The following PARD6B variants were observed in gnomAD, a reference collection of about 807,000 sequenced individuals.
The protein encoded by PARD6B is partitioning defective 6 homolog beta.
Under a neutral mutation model 10.5 loss-of-function variants are expected in PARD6B, and 4 were observed. The ratio of observed to expected loss-of-function variants is 0.38; its 90% CI spans 0.19 to 0.87. PARD6B has a LOEUF of 0.87. Among genes scored for constraint, PARD6B ranks in the 40% least tolerant of loss-of-function variants. The pLI, the probability that PARD6B is intolerant of heterozygous loss-of-function variation, is 0.41. For missense variants in PARD6B, 396 were observed against 470.6 expected, an observed-to-expected ratio of 0.84 and a Z score of 1.47; for synonymous variants, 169 against 170.4, an observed-to-expected ratio of 0.99 and a Z score of 0.07.
rs559084750 is a variant in PARD6B, at chr20:50,751,937, C to T, written c.*1449C>T. ...CAGGTGGGTCTCAAACTCCTGACCT[C>T]AAGTGATCCGCCCATCTCCTCCCAA... On this transcript the variant is annotated 3_prime_UTR_variant, in exon 3 of 3. Transcript: ENST00000371610. The T allele has an allele frequency of 1.0e-6, 1 of 963,288 alleles. No homozygotes were observed. The highest frequency in any genetic ancestry group is 6.2e-5 in the Admixed American group (1 of 16,224). 59.7% of individuals were successfully genotyped at this position (963,288 alleles called of 1,614,324 possible). A position where few individuals can be genotyped will look rare whatever the true frequency, so the allele number is the denominator to read the frequency against.
chr20:50,740,832 C>T (rs928799808), intron 2 of PARD6B, among the ~76,000 whole-genome samples: 11 of 152,138 alleles, frequency 7.2e-5, no homozygotes, highest in African/African-American at 2.4e-4. Context: ...GATGATTTCC[C>T]ATTGCAACCA....
intron 2 of PARD6B, among the ~76,000 whole-genome samples, chr20:50,738,804 T>C (rs957329990): frequency 6.6e-6 from 1 of 152,116 alleles, no homozygotes; most frequent in African/African-American, 2.4e-5. Flanking sequence ...GCAATAACTT[T>C]CTTTCTTTCT....
rs367776100 is a variant in PARD6B at position 50,749,863 on chromosome 20, C to G, written c.494C>G (p.Thr165Arg). 2 of 1,613,980 alleles carry G rather than the reference C, an allele frequency of 1.2e-6. No homozygotes were observed. The highest frequency in any genetic ancestry group is 1.7e-6 in the Non-Finnish European group (2 of 1,180,018). ...AGGGTACGTCTTTACAAATACGGCA[C>G]GGAGAAACCCCTAGGATTCTACATC... ...HRRVRLYKYG[T>R]EKPLGFYIRD... Residue 165 changes from threonine (T) to arginine (R), a missense_variant, in exon 3 of 3, where the codon ACG becomes AGG. Thr to Arg is a moderately conservative substitution (Grantham distance 71). Transcript: ENST00000371610.
intron 2 of PARD6B, among the ~76,000 whole-genome samples, chr20:50,744,105 CTTTT>C (rs753435244): frequency 6.4e-5 from 5 of 77,808 alleles, no homozygotes; most frequent in African/African-American, 2.5e-4. Flanking sequence ...GAAGTAGCTT[CTTTT>C]TTTTTTTTTT....
chr20:50,745,302 T>C (rs756908255), intron 2 of PARD6B, among the ~76,000 whole-genome samples: 14 of 151,424 alleles, frequency 9.2e-5, no homozygotes, highest in Non-Finnish European at 1.6e-4. Flanking sequence ...TGCATGCTTG[T>C]AATCCCAGCT....
rs1036316137 is a variant in PARD6B, at chr20:50,753,568, T to C, written c.*3080T>C. 1.2e-6 allele frequency: 1 copy of C among 861,762 alleles called. No homozygotes were observed. The highest frequency in any genetic ancestry group is 1.4e-6 in the Non-Finnish European group (1 of 717,080). 53.4% of individuals were successfully genotyped at this position (861,762 alleles called of 1,614,324 possible). On this transcript the variant is annotated 3_prime_UTR_variant, in exon 3 of 3. Coordinates refer to ENST00000371610, the MANE Select transcript of PARD6B (RefSeq NM_032521.3). ...TTTTCTAATTAAATTTTACATGCTA[T>C]AACATGATTTTTACATGAATGATAC...
At chr20:50,736,700 T>G (rs949522761) in intron 1 of PARD6B, among the ~76,000 whole-genome samples, 9 of 151,964 alleles carry the variant, frequency 5.9e-5, no homozygotes, top group African/African-American at 1.5e-4. Context: ...TTTTGGTTTT[T>G]TTTTTTTTTT....
chr20:50,750,209 T>G lies in PARD6B; in HGVS notation c.840T>G (p.Ile280Met). 1 of 1,614,164 alleles carries G rather than the reference T, an allele frequency of 6.2e-7. No individual in the cohort carries two copies. Among genetic ancestry groups the G allele is most frequent in the Non-Finnish European group, 8.5e-7 (1 of 1,180,028 alleles). ...DNSLLGYPQQ[I>M]EPSFEPEDED... ...GCCTTCTTGGCTACCCACAGCAGAT[T>G]GAACCAAGCTTTGAGCCAGAGGATG... Residue 280 changes from isoleucine (I) to methionine (M), a missense_variant, in exon 3 of 3, where the codon ATT (isoleucine) becomes ATG (methionine). Ile to Met is a conservative substitution (Grantham distance 10). This residue lies in a region of PARD6B where 188 missense variants were observed against 169.7 expected (regional missense o/e 1.11). Transcript: ENST00000371610.
rs2087618136 is a variant in PARD6B, at chr20:50,752,371, A to G, written c.*1883A>G. 1 of 985,696 alleles carries G rather than the reference A, an allele frequency of 1.0e-6. No homozygotes were observed. The highest frequency in any genetic ancestry group is 4.7e-5 in the South Asian group (1 of 21,280). The allele number at this position is 985,696 out of a possible 1,614,324, so 61.1% of individuals were successfully genotyped here. On this transcript the variant is annotated 3_prime_UTR_variant, in exon 3 of 3. Coordinates refer to ENST00000371610, the MANE Select transcript of PARD6B (RefSeq NM_032521.3). ...TTGGGTTTTCCTTCATGGGATTTCT[A>G]GAAACACTGCCTACACTTTATGAAA...
At chr20:50,735,917 C>T (rs1421827466) in intron 1 of PARD6B, among the ~76,000 whole-genome samples, 1 of 152,126 alleles carries the variant, frequency 6.6e-6, no homozygotes, top group Non-Finnish European at 1.5e-5. Context: ...TGTTGTGATA[C>T]CAGAATAAAG....
At chr20:50,748,573 C>G (rs2087582076) in intron 2 of PARD6B, among the ~76,000 whole-genome samples, 1 of 152,124 alleles carries the variant, frequency 6.6e-6, no homozygotes, top group Admixed American at 6.6e-5. Flanking sequence ...TGTTTTGTTA[C>G]CGAGGCTGGA....
chr20:50,736,688 T>G (rs2123699472), intron 1 of PARD6B, among the ~76,000 whole-genome samples: 1 of 151,534 alleles, frequency 6.6e-6, no homozygotes, highest in Non-Finnish European at 1.5e-5. Flanking sequence ...CAGTCCTTAG[T>G]GTTTTGGTTT....
chr20:50,753,206 C>T lies in PARD6B; in HGVS notation c.*2718C>T. ...GCATTCATGGAAATGGAAATCAAAG[C>T]TGCTATTGCTTTTTATTTTAATTAT... is the stretch of plus-strand genomic sequence containing the variant. On this transcript the variant is annotated 3_prime_UTR_variant, in exon 3 of 3. Coordinates refer to ENST00000371610, the MANE Select transcript of PARD6B (RefSeq NM_032521.3). 4.1e-6 allele frequency: 4 copies of T among 985,010 alleles called. No homozygotes were observed. Among genetic ancestry groups the T allele is most frequent in the Non-Finnish European group, 3.6e-6 (3 of 829,348 alleles). 61.0% of individuals were successfully genotyped at this position (985,010 alleles called of 1,614,324 possible).
rs557478129 is a variant in PARD6B, at chr20:50,750,563, A to G, written c.*75A>G. 80 of 1,503,072 alleles carry G rather than the reference A, an allele frequency of 5.3e-5. 1 individual carries two copies. The East Asian group carries it at 1.8e-3, about 35-fold the overall frequency. The allele number at this position is 1,503,072 out of a possible 1,614,324, so 93.1% of individuals were successfully genotyped here. On this transcript the variant is annotated 3_prime_UTR_variant, in exon 3 of 3. Transcript: ENST00000371610. ...ATTTGGCTAGTTTAAAAGCATATAT[A>G]CCTCTGACCAGTGACGTGGAATAGG...
intron 2 of PARD6B, among the ~76,000 whole-genome samples, chr20:50,741,207 C>T (rs1329011469): frequency 1.3e-5 from 2 of 151,938 alleles, no homozygotes; most frequent in Non-Finnish European, 2.9e-5. Flanking sequence ...GTGATCCACC[C>T]GTCTTGGCCT....
rs80076504 is a variant in PARD6B, at chr20:50,738,604, C to G, written c.289+525C>G. Among the ~76,000 whole-genome samples, 1,343 of 152,280 alleles carry G rather than the reference C, an allele frequency of 8.8e-3. 14 individuals carry two copies. The highest frequency in any genetic ancestry group is 0.014 in the Non-Finnish European group (954 of 68,040). On this transcript the variant is annotated intron_variant, in intron 2 of 2. Coordinates refer to ENST00000371610, the MANE Select transcript of PARD6B (RefSeq NM_032521.3). ...AGAATTACTATGAGGATTAAATGAG[C>G]TAAGTGCAGTGCCCTGGCTTATAGT...
At chr20:50,748,964 A>T (rs1352905446) in intron 2 of PARD6B, among the ~76,000 whole-genome samples, 8 of 152,296 alleles carry the variant, frequency 5.3e-5, no homozygotes. Context: ...TCCTGAGGCC[A>T]GGAGTTCAAA....
In PARD6B at chr20:50,749,670, T is replaced by C. The variant is rs764903402; in HGVS notation, c.301T>C (p.Tyr101His). Residue 101 changes from tyrosine to histidine, a missense_variant, in exon 3 of 3, where the codon TAC becomes CAC. Physicochemically the swap from Tyr to His is moderately conservative, Grantham distance 83. Transcript: ENST00000371610. ...TTATTTTTAAACAGAAGAAGCAGACTACAGTGCCTTTGGTACAGACACGCT... is the reference window on the plus strand; with the variant it reads ...TTATTTTTAAACAGAAGAAGCAGACCACAGTGCCTTTGGTACAGACACGCT... ...IFIQKKEEAD[Y>H]SAFGTDTLIK... is the part of the protein sequence containing the mutation. The C allele has an allele frequency of 1.3e-6, 2 of 1,586,440 alleles. No individual in the cohort carries two copies. Among genetic ancestry groups the C allele is most frequent in the Admixed American group, 3.9e-5 (2 of 51,782 alleles).
chr20:50,749,508 A>G, intron 2 of PARD6B, 151 bp from the exon 3 acceptor site: 1 of 672,376 alleles, frequency 1.5e-6, no homozygotes, highest in Non-Finnish European at 2.4e-6. Flanking sequence ...TTACTACTGT[A>G]CTAGATTATG....
Sources: allele counts gnomAD v4.1 joint callset (sites outside exome capture counted in the v4.1 genomes callset), GRCh38; gene constraint gnomAD v4.1.1; regional missense constraint gnomAD v4.1.1; transcripts MANE v1.5; gene names NCBI Gene and HGNC (gene_info 2026-07-23, HGNC 2026-07-21).